Variants in EML2 observed in about 807,000 individuals in gnomAD.
The protein encoded by EML2 is EMAP like 2, also known as echinoderm microtubule-associated protein-like 2.
Under a neutral mutation model 84.7 loss-of-function variants are expected in EML2, and 59 were observed. The observed-to-expected ratio is 0.70, with a 90% confidence interval of 0.56 to 0.86. The LOEUF (loss-of-function observed/expected upper bound fraction) is 0.86, where lower values mean the gene tolerates loss of function less well. EML2 is among the 40% of genes least tolerant of loss of function. EML2 has a pLI of 0.00. For missense variants in EML2, 818 were observed against 855.6 expected, an observed-to-expected ratio of 0.96 and a Z score of 0.55; for synonymous variants, 352 against 348.9, an observed-to-expected ratio of 1.01 and a Z score of -0.10.
At position 45,609,643 on chromosome 19, in the gene EML2, C is replaced by T. The variant is rs1234443380; in HGVS notation, c.*20G>A. The T allele has an allele frequency of 6.3e-7, 1 of 1,590,036 alleles. No homozygotes were observed. Among genetic ancestry groups the T allele is most frequent in the Admixed American group, 1.9e-5 (1 of 53,206 alleles). On this transcript the variant is annotated 3_prime_UTR_variant, in exon 19 of 19. Coordinates refer to ENST00000245925, the MANE Select transcript of EML2 (RefSeq NM_012155.4). ...GAAAATAGAATTCCTGCCCTGACACCTGACTCTTCCCTGGCCGCATCAGAC... is the reference window on the plus strand; with the variant it reads ...GAAAATAGAATTCCTGCCCTGACACTTGACTCTTCCCTGGCCGCATCAGAC...
In EML2 at chr19:45,626,728, T is replaced by C; in HGVS notation, c.718A>G (p.Ser240Gly). The change falls in exon 8 of 19, where the codon AGC (serine) becomes GGC (glycine). Residue 240 changes from serine to glycine, a missense_variant. Ser to Gly is a moderately conservative substitution (Grantham distance 56). Coordinates refer to ENST00000245925, the MANE Select transcript of EML2 (RefSeq NM_012155.4). Reference protein sequence around the residue: ...YFWTLEGGSLSKRQGLFEKHE... With the variant: ...YFWTLEGGSLGKRQGLFEKHE... ...ACCTCAAAGAGGCCTTGCCGCTTGCTCAAGCTGCCCCCCTCCAAGGTCCAG... is the reference window on the plus strand; with the variant it reads ...ACCTCAAAGAGGCCTTGCCGCTTGCCCAAGCTGCCCCCCTCCAAGGTCCAG... 6.2e-7 allele frequency: 1 copy of C among 1,613,640 alleles called. No individual in the cohort carries two copies. Among genetic ancestry groups the C allele is most frequent in the South Asian group, 1.1e-5 (1 of 91,018 alleles).
chr19:45,618,022 A>G (rs1393808939), intron 12 of EML2, among the ~76,000 whole-genome samples: 2 of 152,138 alleles, frequency 1.3e-5, no homozygotes, highest in East Asian at 3.9e-4. Context: ...GACAAAGGGC[A>G]TCTAGAATTT....
At chr19:45,612,221 C>T (rs530167841) in intron 18 of EML2, among the ~76,000 whole-genome samples, 4 of 152,266 alleles carry the variant, frequency 2.6e-5, no homozygotes, top group South Asian at 4.2e-4. Flanking sequence ...CCTGCCACTA[C>T]GCCTTGCTAA....
chr19:45,613,232 G>A (rs898271809), intron 18 of EML2, among the ~76,000 whole-genome samples: 4 of 152,140 alleles, frequency 2.6e-5, no homozygotes, highest in African/African-American at 9.7e-5. Flanking sequence ...AGATCTGGTT[G>A]TATATCCTGT....
At position 45,617,689 on chromosome 19, in the gene EML2, G is replaced by A. The variant is rs1971248251; in HGVS notation, c.1263C>T (p.Ala421=). The change falls in exon 13 of 19, where the codon GCC becomes GCT. Residue 421 remains alanine (A), a synonymous_variant. Transcript: ENST00000245925. ...PLWSRIIEDP[A]RSAGFHPSGS... is the part of the protein sequence containing the mutation. The stretch of plus-strand genomic sequence containing the variant: ...CACTGGGGTGGAAGCCGGCTGAGCG[G>A]GCAGGGTCCTGAGAAGGGAGAGAGA... 6.2e-7 allele frequency: 1 copy of A among 1,613,664 alleles called. No individual in the cohort carries two copies. The highest frequency in any genetic ancestry group is 1.7e-5 in the Admixed American group (1 of 59,962).
In EML2 at chr19:45,638,611, G is replaced by A. The variant is rs755037619; in HGVS notation, c.73C>T (p.Leu25=). 1 of 1,614,032 alleles carries A rather than the reference G, an allele frequency of 6.2e-7. No individual in the cohort carries two copies. The highest frequency in any genetic ancestry group is 8.5e-7 in the Non-Finnish European group (1 of 1,180,010). ...SVEDGSVKMF[L]RGRPVPMMIP... ...ATCATGGGCACAGGGCGGCCCCTCA[G>A]GAACATTTTCACGGAGCCATCCTCT... Residue 25 remains leucine, a synonymous_variant, in exon 3 of 19, where the codon CTG becomes TTG. Transcript: ENST00000245925.
intron 7 of EML2, among the ~76,000 whole-genome samples, chr19:45,629,474 G>A (rs1477381181): frequency 6.6e-6 from 1 of 152,028 alleles, no homozygotes; most frequent in Non-Finnish European, 1.5e-5. Context: ...ACAGGCATGT[G>A]CTACCATGCC....
intron 7 of EML2, chr19:45,628,810 C>T (rs1417911446): frequency 1.3e-5 from 2 of 150,688 alleles, no homozygotes; most frequent in Non-Finnish European, 2.9e-5. Flanking sequence ...GTGACAAGAA[C>T]GAAACTCCGT....
Position 45,632,970 on chromosome 19 carries a change from G to A in EML2, c.401C>T (p.Pro134Leu). ...QVAGTTKEGKPLPPHVRIWDS... is the reference protein window; with the variant it reads ...QVAGTTKEGKLLPPHVRIWDS... ...CCAGATGCGCACGTGGGGCGGCAGCGGCTGCAGGGAAGAGAGGCTTGTTAC... is the reference window on the plus strand; with the variant it reads ...CCAGATGCGCACGTGGGGCGGCAGCAGCTGCAGGGAAGAGAGGCTTGTTAC... Residue 134 changes from proline to leucine, a missense_variant and splice_region_variant, in exon 6 of 19, where the codon CCG becomes CTG. Transcript: ENST00000245925. 8 of 1,613,734 alleles carry A rather than the reference G, an allele frequency of 5.0e-6. No homozygotes were observed. The highest frequency in any genetic ancestry group is 2.2e-5 in the East Asian group (1 of 44,848).
At chr19:45,642,094 C>G (rs1974575776), upstream of EML2, 9 of 1,458,532 alleles carry the variant, frequency 6.2e-6, no homozygotes, top group Middle Eastern at 1.8e-4. Flanking sequence ...GACCAGGCCC[C>G]GGTCCTCCCC....
At chr19:45,645,581 C>T (rs567303107), upstream of EML2, 6 of 804,158 alleles carry the variant, frequency 7.5e-6, no homozygotes, top group African/African-American at 9.3e-5. Context: ...GGATTGGCTG[C>T]GCCCGGATCC....
At chr19:45,637,875 T>C (rs1973955320) in intron 3 of EML2, among the ~76,000 whole-genome samples, 2 of 151,948 alleles carry the variant, frequency 1.3e-5, no homozygotes, top group Non-Finnish European at 2.9e-5. Flanking sequence ...CAGGATTTCA[T>C]CATATTGGTC....
intron 8 of EML2, 112 bp downstream of exon 8, chr19:45,626,593 C>T (rs752346789): frequency 1.5e-4 from 184 of 1,223,848 alleles, no homozygotes; most frequent in Non-Finnish European, 1.9e-4. Flanking sequence ...AACATCTCAG[C>T]GTCCCTGTAA....
At chr19:45,638,445 C>T (rs1389338226) in intron 3 of EML2, 60 bp downstream of exon 3, 2 of 1,609,804 alleles carry the variant, frequency 1.2e-6, no homozygotes, top group African/African-American at 1.3e-5. Flanking sequence ...CTGCCTTGAC[C>T]GCCTTTCTAT....
chr19:45,633,195 G>A (rs1973287388), intron 4 of EML2, 56 bp from the exon 5 acceptor site: 2 of 1,538,316 alleles, frequency 1.3e-6, no homozygotes, highest in Admixed American at 3.6e-5. Context: ...GAGGCTCACA[G>A]AGACCCAGGA....
chr19:45,616,978 G>A (rs984871447), intron 13 of EML2, 125 bp from the exon 14 acceptor site: 7 of 707,976 alleles, frequency 9.9e-6, no homozygotes, highest in African/African-American at 1.7e-5. Flanking sequence ...GGGCACGGTG[G>A]CTCAGGCCTA....
intron 2 of EML2, 60 bp downstream of exon 2, chr19:45,638,785 T>C: frequency 6.2e-7 from 1 of 1,606,988 alleles, no homozygotes; most frequent in Non-Finnish European, 8.5e-7. Flanking sequence ...GACCTCTGGC[T>C]CCAGCCTGTC....
At chr19:45,636,945 A>T (rs890466357) in intron 3 of EML2, among the ~76,000 whole-genome samples, 21 of 152,256 alleles carry the variant, frequency 1.4e-4, no homozygotes, top group African/African-American at 5.1e-4. Flanking sequence ...ACAAGAAAAT[A>T]TCTGAATGAT....
intron 11 of EML2, 62 bp downstream of exon 11, chr19:45,621,145 A>T: frequency 6.3e-7 from 1 of 1,583,426 alleles, no homozygotes; most frequent in Non-Finnish European, 8.6e-7. Context: ...GGAGTGGATG[A>T]TGCAGGGAAG....
Sources: gnomAD v4.1 joint callset for allele counts (sites outside exome capture counted in the v4.1 genomes callset) on GRCh38, gnomAD v4.1.1 for gene constraint, MANE v1.5 for transcripts, NCBI Gene and HGNC (gene_info 2026-07-23, HGNC 2026-07-21) for gene names.